The following PRKG1 variants were observed in gnomAD, a reference collection of about 807,000 sequenced individuals.
The protein encoded by PRKG1 is cGMP-dependent protein kinase 1.
A neutral mutation model predicts 88.1 loss-of-function variants in PRKG1; 35 were observed. That is an observed-to-expected ratio of 0.40 (90% CI 0.30 to 0.53). The LOEUF (loss-of-function observed/expected upper bound fraction) is 0.53. PRKG1 is among the 20% of genes least tolerant of loss of function. The pLI is 0.59. For missense variants in PRKG1, 540 were observed against 839.8 expected (o/e 0.64, Z 4.41); for synonymous variants, 303 against 292.5 (o/e 1.04, Z -0.37).
chr10:51,021,534 C>G (rs2132735344), intron 1 of PRKG1, among the ~76,000 whole-genome samples: 1 of 152,298 alleles, frequency 6.6e-6, no homozygotes, highest in East Asian at 1.9e-4. Flanking sequence ...AGCACAAATT[C>G]TTTCTAGCTA....
intron 7 of PRKG1, among the ~76,000 whole-genome samples, chr10:52,076,199 T>C (rs1273424580): frequency 1.3e-4 from 19 of 151,936 alleles, no homozygotes; most frequent in Admixed American, 1.2e-3. Flanking sequence ...CAGGAAAAAA[T>C]AGACAATAAA....
At chr10:51,595,975 C>T (rs1324553815) in intron 3 of PRKG1, among the ~76,000 whole-genome samples, 13 of 151,934 alleles carry the variant, frequency 8.6e-5, no homozygotes, top group African/African-American at 2.2e-4. Context: ...GGCTTACAGG[C>T]GCCTGCCACC....
At chr10:51,365,786 C>T (rs1588884696) in intron 2 of PRKG1, among the ~76,000 whole-genome samples, 1 of 151,776 alleles carries the variant, frequency 6.6e-6, no homozygotes, top group East Asian at 1.9e-4. Flanking sequence ...TCTTAAGTAC[C>T]TAGTCTCATC....
At chr10:51,685,542 A>G (rs536626914) in intron 3 of PRKG1, among the ~76,000 whole-genome samples, 1 of 152,322 alleles carries the variant, frequency 6.6e-6, no homozygotes, top group South Asian at 2.1e-4. Flanking sequence ...TTGCACTATT[A>G]TAGTCTCTTT....
At chr10:51,041,964 G>C (rs928680177) in intron 1 of PRKG1, among the ~76,000 whole-genome samples, 1 of 152,116 alleles carries the variant, frequency 6.6e-6, no homozygotes, top group Non-Finnish European at 1.5e-5. Flanking sequence ...CAGTAAAAGA[G>C]GACAGGGAGC....
chr10:52,109,739 G>C lies in PRKG1; in HGVS notation c.936-24101G>C, dbSNP rs544883189. Among the ~76,000 whole-genome samples, 565 of 150,980 alleles carry C rather than the reference G, an allele frequency of 3.7e-3. 2 individuals are homozygous for C. The highest frequency in any genetic ancestry group is 0.013 in the African/African-American group (525 of 40,628). ...CATCACGCCACTGCACTCCAGCCTGGGTGACAGAGCCAGACTCCATCTCAA... is the reference window on the plus strand; with the variant it reads ...CATCACGCCACTGCACTCCAGCCTGCGTGACAGAGCCAGACTCCATCTCAA... On this transcript the variant is annotated intron_variant, in intron 7 of 17. Transcript: ENST00000373980.
chr10:52,271,378 C>A lies in PRKG1; in HGVS notation c.1202C>A (p.Thr401Lys). The change falls in exon 11 of 18, where the codon ACG becomes AAG. Residue 401 changes from threonine to lysine, a missense_variant. Thr to Lys is a moderately conservative substitution (Grantham distance 78). Transcript: ENST00000373980. ...LVQLKSEESK[T>K]FAMKILKKRH... The stretch of plus-strand genomic sequence containing the variant: ...CAGTTGAAAAGTGAAGAATCCAAAA[C>A]GTTTGCAATGAAGATTCTCAAGAAA... 6.2e-7 allele frequency: 1 copy of A among 1,612,650 alleles called. No individual in the cohort carries two copies. The highest frequency in any genetic ancestry group is 8.5e-7 in the Non-Finnish European group (1 of 1,179,114).
chr10:51,058,473 A>G (rs998552420), intron 1 of PRKG1, among the ~76,000 whole-genome samples: 7 of 152,082 alleles, frequency 4.6e-5, no homozygotes, highest in African/African-American at 2.4e-5. Context: ...CAGTATTCAT[A>G]ACCTCCCCCA....
intron 2 of PRKG1, among the ~76,000 whole-genome samples, chr10:51,351,095 C>T (rs1842233595): frequency 1.3e-5 from 2 of 152,124 alleles, no homozygotes; most frequent in Middle Eastern, 3.4e-3. Flanking sequence ...GAACTCATGC[C>T]TTTTATGGCT....
At chr10:51,662,031 A>T (rs1840312726) in intron 3 of PRKG1, among the ~76,000 whole-genome samples, 1 of 152,118 alleles carries the variant, frequency 6.6e-6, no homozygotes, top group Non-Finnish European at 1.5e-5. Flanking sequence ...GAACAATGAG[A>T]ACACTTGGAT....
chr10:51,830,376 C>T (rs530718396), intron 4 of PRKG1, among the ~76,000 whole-genome samples: 4 of 152,052 alleles, frequency 2.6e-5, no homozygotes, highest in South Asian at 2.1e-4. Flanking sequence ...AAGTTGTTAG[C>T]GATACTGTGA....
rs538496636 is a variant in PRKG1 at position 51,310,709 on chromosome 10, A to G, written c.479-157014A>G. ...TGCCAGTCACTTAGACATATGGCCA[A>G]TGTTACTGAGTGCCTTCTATGGGTG... On this transcript the variant is annotated intron_variant, in intron 2 of 17. Coordinates refer to ENST00000373980, the MANE Select transcript of PRKG1 (RefSeq NM_006258.4). Among the ~76,000 whole-genome samples, 7 of 152,232 alleles carry G rather than the reference A, an allele frequency of 4.6e-5. No individual in the cohort carries two copies. In the South Asian group the frequency reaches 1.0e-3, roughly 23 times the overall value.
At chr10:51,060,433 A>G (rs1243064338) in intron 1 of PRKG1, among the ~76,000 whole-genome samples, 3 of 151,972 alleles carry the variant, frequency 2.0e-5, no homozygotes, top group Non-Finnish European at 4.4e-5. Context: ...TATTTCAGTT[A>G]TCCCTCCATC....
intron 5 of PRKG1, chr10:51,911,063 G>T (rs1017621403): frequency 6.6e-6 from 1 of 152,140 alleles, no homozygotes; most frequent in Admixed American, 6.5e-5. Context: ...TCATCTATGT[G>T]AACACAAAGT....
At chr10:52,289,018 T>C in intron 16 of PRKG1, 25 bp downstream of exon 16, 2 of 1,579,122 alleles carry the variant, frequency 1.3e-6, no homozygotes, top group Non-Finnish European at 8.6e-7. Context: ...TGCAGAGTTC[T>C]GAACACGTGA....
intron 1 of PRKG1, among the ~76,000 whole-genome samples, chr10:51,080,599 C>A (rs1009872641): frequency 4.6e-5 from 7 of 152,196 alleles, no homozygotes; most frequent in African/African-American, 1.7e-4. Flanking sequence ...CTGACTTGAA[C>A]CTTTCAAGCT....
At chr10:51,800,605 A>G (rs1839145995) in intron 3 of PRKG1, among the ~76,000 whole-genome samples, 1 of 152,116 alleles carries the variant, frequency 6.6e-6, no homozygotes, top group African/African-American at 2.4e-5. Flanking sequence ...GAAATTTTTT[A>G]AGTGGGACCA....
At chr10:51,151,507 G>C (rs557706593) in intron 1 of PRKG1, among the ~76,000 whole-genome samples, 1 of 151,500 alleles carries the variant, frequency 6.6e-6, no homozygotes, top group South Asian at 2.1e-4. Context: ...AAATTTTTGA[G>C]GTGTCAGGGC....
chr10:52,172,171 C>T (rs957137536), intron 9 of PRKG1, among the ~76,000 whole-genome samples: 1 of 152,184 alleles, frequency 6.6e-6, no homozygotes, highest in African/African-American at 2.4e-5. Flanking sequence ...CTTTGAGACT[C>T]TCTAGGTAAG....
Sources: allele counts gnomAD v4.1 joint callset (sites outside exome capture counted in the v4.1 genomes callset), GRCh38; gene constraint gnomAD v4.1.1; transcripts MANE v1.5; gene names NCBI Gene and HGNC (gene_info 2026-07-23, HGNC 2026-07-21).